LMNA: variants seen among roughly 807,000 people sequenced by gnomAD.
LMNA encodes the protein lamin.
In LMNA, 20 loss-of-function variants were observed where a neutral mutation model predicts 70.4. That is an observed-to-expected ratio of 0.28 (90% CI 0.20 to 0.41). The LOEUF (loss-of-function observed/expected upper bound fraction) is 0.41, where lower values mean the gene tolerates loss of function less well. Among genes scored for constraint, LMNA ranks in the 10% least tolerant of loss-of-function variants. LMNA has a pLI of 1.00. For synonymous variants in LMNA, 339 were observed against 372.8 expected, an observed-to-expected ratio of 0.91 and a Z score of 1.04; for missense variants, 652 against 917.2, an observed-to-expected ratio of 0.71 and a Z score of 3.73.
intron 3 of LMNA, among the ~76,000 whole-genome samples, chr1:156,101,681 A>G (rs1261851262): frequency 1.4e-5 from 2 of 142,964 alleles, no homozygotes; most frequent in Non-Finnish European, 3.0e-5. Flanking sequence ...CGAGGGAATC[A>G]CTATGGTTTA....
At position 156,130,608 on chromosome 1, in the gene LMNA, C is replaced by T. The variant is rs1186195332; in HGVS notation, c.357-9C>T. 1 of 1,613,858 alleles carries T rather than the reference C, an allele frequency of 6.2e-7. No homozygotes were observed. The highest frequency in any genetic ancestry group is 8.5e-7 in the Non-Finnish European group (1 of 1,179,970). On this transcript the variant is annotated splice_polypyrimidine_tract_variant and intron_variant, in intron 1 of 11. Coordinates refer to ENST00000368300, the MANE Select transcript of LMNA (RefSeq NM_170707.4). The stretch of plus-strand genomic sequence containing the variant: ...TTCTCTTAAATCTACTCTCCCCTCT[C>T]TTCTTTAGCAATACCAAGAAGGAGG...
chr1:156,130,535 C>G, intron 1 of LMNA, 82 bp from the exon 2 acceptor site: 2 of 1,453,972 alleles, frequency 1.4e-6, no homozygotes, highest in Middle Eastern at 2.2e-4. Flanking sequence ...CGCCAGCCCC[C>G]ATGGCTGACC....
chr1:156,085,315 G>A (rs1343849077), intron 2 of LMNA, among the ~76,000 whole-genome samples: 6 of 152,206 alleles, frequency 3.9e-5, no homozygotes, highest in Non-Finnish European at 2.9e-5. Flanking sequence ...TCTCCCGGAG[G>A]CTGGTGGCCT....
Position 156,115,403 on chromosome 1 carries a change from C to A in LMNA, c.356+129C>A. 1 of 815,284 alleles carries A rather than the reference C, an allele frequency of 1.2e-6. No homozygotes were observed. Among genetic ancestry groups the A allele is most frequent in the Non-Finnish European group, 2.0e-6 (1 of 492,878 alleles). 50.5% of individuals were successfully genotyped at this position (815,284 alleles called of 1,614,324 possible). ...ATAACTTTGCCATAGTCTCCTCCCT[C>A]CCCGGAACTGCCCCCAGCGGGTGAC... On this transcript the variant is annotated intron_variant, in intron 1 of 11. Coordinates refer to ENST00000368300, the MANE Select transcript of LMNA (RefSeq NM_170707.4). The surrounding 1 kb of genome is among the most constrained non-coding windows in gnomAD (Gnocchi z 5.8).
intron 3 of LMNA, among the ~76,000 whole-genome samples, chr1:156,107,079 C>T: frequency 6.6e-6 from 1 of 152,212 alleles, no homozygotes; most frequent in East Asian, 1.9e-4. Context: ...ATCAGTTAGC[C>T]TGCCTAAGCC....
chr1:156,124,982 G>C (rs543335843), intron 1 of LMNA, among the ~76,000 whole-genome samples: 35 of 152,348 alleles, frequency 2.3e-4, no homozygotes, highest in African/African-American at 8.2e-4. Context: ...CCAATCTGCT[G>C]TGAGTGTCCT....
Position 156,103,082 on chromosome 1 carries a change from T to C in LMNA, c.-206-11631T>C, listed in dbSNP as rs1649196799. ...GCCCTCATCTATCCTTGCCTCAAGG[T>C]GGACCCATGGGGGCTGCAGCTGAGC... On this transcript the variant is annotated intron_variant, in intron 3 of 12. Coordinates refer to the LMNA transcript ENST00000368301. The surrounding 1 kb of genome is among the most constrained non-coding windows in gnomAD (Gnocchi z 4.7). Among the ~76,000 whole-genome samples, 1 of 152,168 alleles carries C rather than the reference T, an allele frequency of 6.6e-6. No homozygotes were observed. Among genetic ancestry groups the C allele is most frequent in the Non-Finnish European group, 1.5e-5 (1 of 68,026 alleles).
chr1:156,110,353 A>C (rs559255283), upstream of LMNA, among the ~76,000 whole-genome samples: 3 of 152,306 alleles, frequency 2.0e-5, no homozygotes, highest in African/African-American at 7.2e-5. Context: ...TTGTTGAATG[A>C]ATGAATTCTC....
intron 1 of LMNA, among the ~76,000 whole-genome samples, chr1:156,122,058 T>C (rs1650226239): frequency 6.6e-6 from 1 of 151,946 alleles, no homozygotes; most frequent in African/African-American, 2.4e-5. Context: ...TGAGCCGAGA[T>C]CACGCCACTG....
chr1:156,119,406 G>A (rs1430285402), intron 1 of LMNA, among the ~76,000 whole-genome samples: 18 of 152,044 alleles, frequency 1.2e-4, no homozygotes, highest in Admixed American at 7.2e-4. Context: ...GTGAGCCACC[G>A]TACCCGGCCA....
rs1277636493 is a variant in LMNA, at chr1:156,137,802, G to A, written c.1698+59G>A. 3.9e-6 allele frequency: 6 copies of A among 1,546,894 alleles called. No homozygotes were observed. The highest frequency in any genetic ancestry group is 2.4e-5 in the East Asian group (1 of 41,056). On this transcript the variant is annotated intron_variant, in intron 10 of 11. Transcript: ENST00000368300. The surrounding 1 kb of genome is among the most constrained non-coding windows in gnomAD (Gnocchi z 4.6). ...ACTGGGGCCACCCAGCCAGGCCTGG[G>A]GGCAGCCTCTCCCCAGCCTCCCCGT...
At chr1:156,113,307 A>C (rs576990767), upstream of LMNA, among the ~76,000 whole-genome samples, 46 of 152,084 alleles carry the variant, frequency 3.0e-4, no homozygotes, top group Admixed American at 6.5e-4. Flanking sequence ...TAATCTCAAA[A>C]AAACAAACAA....
At chr1:156,089,923 G>A (rs939805743) in intron 2 of LMNA, among the ~76,000 whole-genome samples, 2 of 152,126 alleles carry the variant, frequency 1.3e-5, no homozygotes, top group African/African-American at 4.8e-5. Context: ...TCCAGGAGGC[G>A]GGTGATACTG....
chr1:156,139,938 G>A lies in LMNA; in HGVS notation c.*832G>A. On this transcript the variant is annotated 3_prime_UTR_variant, in exon 12 of 12. Coordinates refer to ENST00000368300, the MANE Select transcript of LMNA (RefSeq NM_170707.4). ...GAGGTCACTGGAAAGGGGAGAGCCTGCTGGCACCCACCGTGGAGGAGGAAG... is the reference window on the plus strand; with the variant it reads ...GAGGTCACTGGAAAGGGGAGAGCCTACTGGCACCCACCGTGGAGGAGGAAG... 8.9e-7 allele frequency: 1 copy of A among 1,124,948 alleles called. No homozygotes were observed. The highest frequency in any genetic ancestry group is 2.9e-5 in the East Asian group (1 of 34,000). The allele number at this position is 1,124,948 out of a possible 1,614,324, so 69.7% of individuals were successfully genotyped here.
chr1:156,136,148 G>GCTGGCAGTGTCCT lies in LMNA; in HGVS notation c.1157+33_1157+45dup, dbSNP rs1651587231. On this transcript the variant is annotated intron_variant, in intron 6 of 11. Transcript: ENST00000368300. This position sits in a 1 kb window ranked among gnomAD's most constrained non-coding sequence, Gnocchi z 6.1. ...TGGGCTGGGGAGACGTCGGGGAGGT[G>GCTGGCAGTGTCCT]CTGGCAGTGTCCTCTGGCCGGCAAC... 1 of 1,613,342 alleles carries GCTGGCAGTGTCCT rather than the reference G, an allele frequency of 6.2e-7. No homozygotes were observed.
chr1:156,122,492 C>A lies in LMNA; in HGVS notation c.356+7218C>A, dbSNP rs139377675. ...ACAAGCTGTGGAATTAAACATACTACCACATTTCTCTATTTCCCCGTGAAA... is the reference window on the plus strand; with the variant it reads ...ACAAGCTGTGGAATTAAACATACTAACACATTTCTCTATTTCCCCGTGAAA... On this transcript the variant is annotated intron_variant, in intron 1 of 11. Transcript: ENST00000368300. Among the ~76,000 whole-genome samples the A allele has an allele frequency of 8.9e-3, 1,349 of 152,344 alleles. 79 individuals carry two copies. The highest frequency in any genetic ancestry group is 0.078 in the Admixed American group (1,196 of 15,294).
chr1:156,115,329 C>A lies in LMNA; in HGVS notation c.356+55C>A, dbSNP rs1649753112. 1.5e-5 allele frequency: 23 copies of A among 1,507,906 alleles called. No individual in the cohort carries two copies. Among genetic ancestry groups the A allele is most frequent in the Non-Finnish European group, 2.1e-5 (23 of 1,113,616 alleles). 93.4% of individuals were successfully genotyped at this position (1,507,906 alleles called of 1,614,324 possible). ...GCGGGGAGTGGAGAGGGCGGCGGGC[C>A]GGCGCCCCTGGCCGGCCGCAGGAAG... is the stretch of plus-strand genomic sequence containing the variant. On this transcript the variant is annotated intron_variant, in intron 1 of 11. Coordinates refer to ENST00000368300, the MANE Select transcript of LMNA (RefSeq NM_170707.4). The surrounding 1 kb of genome is among the most constrained non-coding windows in gnomAD (Gnocchi z 5.8).
intron 2 of LMNA, among the ~76,000 whole-genome samples, chr1:156,132,197 C>T (rs940013485): frequency 9.9e-5 from 15 of 151,682 alleles, no homozygotes; most frequent in Admixed American, 1.3e-4. Context: ...TAGCCAGGCA[C>T]GGTGGCTCAT....
chr1:156,106,642 C>CA (rs974965523), intron 3 of LMNA: 2 of 145,048 alleles, frequency 1.4e-5, no homozygotes, highest in African/African-American at 5.2e-5. Context: ...CCCACCCCCC[C>CA]ACGCCTCTGT....
Sources: allele counts gnomAD v4.1 joint callset (sites outside exome capture counted in the v4.1 genomes callset), GRCh38; gene constraint gnomAD v4.1.1; non-coding constraint Gnocchi (gnomAD v3.1); transcripts MANE v1.5; gene names NCBI Gene and HGNC (gene_info 2026-07-23, HGNC 2026-07-21).